SVEP1: variants seen among roughly 807,000 people sequenced by gnomAD.
SVEP1 encodes sushi, von Willebrand factor type A, EGF and pentraxin domain containing 1.
A neutral mutation model predicts 367.3 loss-of-function variants in SVEP1; 164 were observed. The ratio of observed to expected loss-of-function variants is 0.45; its 90% CI spans 0.39 to 0.51. The LOEUF is 0.51. SVEP1 is among the 20% of genes least tolerant of loss of function. The probability of loss-of-function intolerance (pLI) is 0.00; values close to 1 mark genes in which losing one functional copy is unlikely to be tolerated. For synonymous variants in SVEP1, 1,666 were observed against 1,611.6 expected (o/e 1.03, Z -0.81); for missense variants, 4,117 against 4,425.3 (o/e 0.93, Z 1.98).
intron 26 of SVEP1, among the ~76,000 whole-genome samples, chr9:110,444,186 A>G (rs1828556381): frequency 6.6e-6 from 1 of 152,210 alleles, no homozygotes; most frequent in Non-Finnish European, 1.5e-5. Context: ...GGTTGCTGCT[A>G]TGGTTTGAAT....
chr9:110,476,767 G>A (rs1829102029), intron 13 of SVEP1, among the ~76,000 whole-genome samples: 1 of 151,916 alleles, frequency 6.6e-6, no homozygotes, highest in Non-Finnish European at 1.5e-5. Context: ...CAATTTTCTG[G>A]AACATCTCCC....
In SVEP1 at chr9:110,443,736, T is replaced by G. The variant is rs768320109; in HGVS notation, c.4464-16A>C. The G allele has an allele frequency of 1.3e-6, 2 of 1,563,332 alleles. No homozygotes were observed. Among genetic ancestry groups the G allele is most frequent in the South Asian group, 2.4e-5 (2 of 82,974 alleles). The stretch of plus-strand genomic sequence containing the variant: ...AAGAACCCAGCTGTAGAGAGAAAGA[T>G]TCCAGGGAATGTAGTCATTAGCCAT... On this transcript the variant is annotated splice_polypyrimidine_tract_variant and intron_variant, in intron 26 of 47. Transcript: ENST00000374469.
intron 8 of SVEP1, among the ~76,000 whole-genome samples, chr9:110,490,089 T>G (rs984115617): frequency 6.6e-6 from 1 of 152,166 alleles, no homozygotes; most frequent in Non-Finnish European, 1.5e-5. Flanking sequence ...AGAATAAATA[T>G]AAGATAATTT....
At chr9:110,527,359 A>G (rs1048277513) in intron 3 of SVEP1, among the ~76,000 whole-genome samples, 1 of 152,108 alleles carries the variant, frequency 6.6e-6, no homozygotes, top group African/African-American at 2.4e-5. Context: ...AGAAATATTC[A>G]AAGCAGAGAA....
chr9:110,543,232 A>G (rs117246256), intron 3 of SVEP1, among the ~76,000 whole-genome samples: 1 of 152,202 alleles, frequency 6.6e-6, no homozygotes, highest in East Asian at 1.9e-4. Flanking sequence ...CACATTTCCT[A>G]ATCTCTTAGA....
chr9:110,390,116 TACATACATACTTATATAA>T (rs879645207), intron 40 of SVEP1, among the ~76,000 whole-genome samples: 11,844 of 128,164 alleles, frequency 0.092, 986 homozygotes, highest in East Asian at 0.45. Flanking sequence ...TAAGTATATA[TACATACATACTTATATAA>T]GTATATATAC....
rs553822780 is a variant in SVEP1, at chr9:110,478,599, G to A, written c.2487+1036C>T. 1.2e-3 allele frequency among the ~76,000 whole-genome samples: 180 copies of A among 152,230 alleles called. 1 individual carries two copies. Among genetic ancestry groups the A allele is most frequent in the African/African-American group, 4.0e-3 (167 of 41,538 alleles). ...AGTGTATTGTTGCCTTTCGAGTATA[G>A]GTCTATAGTAACAGAGGCCTAATGG... On this transcript the variant is annotated intron_variant, in intron 13 of 47. Coordinates refer to ENST00000374469, the MANE Select transcript of SVEP1 (RefSeq NM_153366.4).
chr9:110,432,616 T>C lies in SVEP1; in HGVS notation c.5079A>G (p.Pro1693=). 1 of 1,612,800 alleles carries C rather than the reference T, an allele frequency of 6.2e-7. No individual in the cohort carries two copies. ...AATGGAAGCCATTCTCCAAAGGAGG[T>C]GGCACCCCACAGCTAATGCCTGTAA... is the stretch of plus-strand genomic sequence containing the variant. ...PHCERISCGV[P]PPLENGFHSA... Residue 1693 remains proline, a synonymous_variant, in exon 31 of 48, where the codon CCA becomes CCG. Coordinates refer to ENST00000374469, the MANE Select transcript of SVEP1 (RefSeq NM_153366.4).
chr9:110,536,563 T>A (rs993816990), intron 3 of SVEP1, among the ~76,000 whole-genome samples: 1 of 151,926 alleles, frequency 6.6e-6, no homozygotes, highest in African/African-American at 2.4e-5. Context: ...TCAAAAGAAA[T>A]GTGAACTTCT....
intron 3 of SVEP1, among the ~76,000 whole-genome samples, chr9:110,520,720 T>A (rs2104960): frequency 1.3e-5 from 2 of 152,212 alleles, no homozygotes. Context: ...TATTAGACAG[T>A]GACTTACATT....
At chr9:110,508,499 C>G (rs1012179560) in intron 5 of SVEP1, among the ~76,000 whole-genome samples, 1 of 152,034 alleles carries the variant, frequency 6.6e-6, no homozygotes, top group Admixed American at 6.5e-5. Flanking sequence ...CGGTGGCTCA[C>G]GCCTGTAATC....
chr9:110,489,841 T>C, intron 8 of SVEP1, 62 bp from the exon 9 acceptor site: 1 of 1,529,028 alleles, frequency 6.5e-7, no homozygotes, highest in Non-Finnish European at 8.8e-7. Context: ...TCTTTTCTGA[T>C]TTATATATTA....
intron 46 of SVEP1, among the ~76,000 whole-genome samples, chr9:110,374,136 G>C (rs1269245790): frequency 6.6e-6 from 1 of 151,974 alleles, no homozygotes; most frequent in Non-Finnish European, 1.5e-5. Flanking sequence ...ATTTTGTTCT[G>C]ATCCTCTCCT....
chr9:110,424,352 A>AG (rs369977836), intron 36 of SVEP1, among the ~76,000 whole-genome samples: 5,826 of 50,964 alleles, frequency 0.11, 376 homozygotes, highest in African/African-American at 0.43. Flanking sequence ...GATAAATGTA[A>AG]AAAAAATAAG....
intron 40 of SVEP1, among the ~76,000 whole-genome samples, chr9:110,393,644 G>A (rs893913956): frequency 8.5e-5 from 13 of 152,106 alleles, no homozygotes; most frequent in African/African-American, 2.7e-4. Flanking sequence ...CTGGAAAATC[G>A]GGTCACTCCC....
chr9:110,437,700 C>G (rs1357840966), intron 27 of SVEP1, among the ~76,000 whole-genome samples: 1 of 151,818 alleles, frequency 6.6e-6, no homozygotes, highest in Non-Finnish European at 1.5e-5. Flanking sequence ...TGGATAACTT[C>G]TTTAGTGGTG....
intron 47 of SVEP1, among the ~76,000 whole-genome samples, chr9:110,367,490 C>G (rs886350702): frequency 6.6e-6 from 1 of 152,152 alleles, no homozygotes; most frequent in Non-Finnish European, 1.5e-5. Flanking sequence ...TTAAGGCATT[C>G]AGTCTCGTAG....
In SVEP1 at chr9:110,406,991, C is replaced by T; in HGVS notation, c.8609G>A (p.Ser2870Asn). 1.2e-6 allele frequency: 2 copies of T among 1,613,976 alleles called. No homozygotes were observed. The highest frequency in any genetic ancestry group is 8.5e-7 in the Non-Finnish European group (1 of 1,179,890). The change falls in exon 38 of 48, where the codon AGT (serine) becomes AAT (asparagine). Residue 2870 changes from serine to asparagine, a missense_variant. By Grantham distance (46) the Ser-to-Asn change is conservative. Coordinates refer to ENST00000374469, the MANE Select transcript of SVEP1 (RefSeq NM_153366.4). Reference sequence around the variant, plus strand: ...ACTTCCATTGGCAAGACAAACCCGACTCCTGGCTCCCTCAAGCAAGAACCC... The same window carrying T: ...ACTTCCATTGGCAAGACAAACCCGATTCCTGGCTCCCTCAAGCAAGAACCC... ...NEGFLLEGAR[S>N]RVCLANGSWS...
chr9:110,463,783 A>T (rs904014671), intron 18 of SVEP1, among the ~76,000 whole-genome samples: 143 of 152,158 alleles, frequency 9.4e-4, no homozygotes, highest in African/African-American at 3.3e-3. Context: ...ACTAACAAAA[A>T]ATATATATAA....
Sources: gnomAD v4.1 joint callset for allele counts (sites outside exome capture counted in the v4.1 genomes callset) on GRCh38, gnomAD v4.1.1 for gene constraint, MANE v1.5 for transcripts, NCBI Gene and HGNC (gene_info 2026-07-23, HGNC 2026-07-21) for gene names.